The following ZDHHC7 variants were observed in gnomAD, a reference collection of about 807,000 sequenced individuals.
ZDHHC7 encodes the protein palmitoyltransferase ZDHHC7.
Under a neutral mutation model 34.1 loss-of-function variants are expected in ZDHHC7, and 12 were observed. That is an observed-to-expected ratio of 0.35 (90% confidence interval 0.23 to 0.57). The LOEUF is 0.57. Among genes scored for constraint, ZDHHC7 ranks in the 20% least tolerant of loss-of-function variants. The pLI, the probability that ZDHHC7 is intolerant of heterozygous loss-of-function variation, is 0.84. For synonymous variants in ZDHHC7, 185 were observed against 155.4 expected (o/e 1.19, Z -1.42); for missense variants, 388 against 402.7 (o/e 0.96, Z 0.31).
intron 1 of ZDHHC7, among the ~76,000 whole-genome samples, chr16:85,007,617 A>T (rs1421165183): frequency 1.1e-4 from 17 of 151,964 alleles, no homozygotes; most frequent in Admixed American, 9.2e-4. Flanking sequence ...AAGCGTTAAC[A>T]TCAGGAAGGA....
At chr16:85,017,214 C>A in the ZDHHC7 span, among the ~76,000 whole-genome samples, 1 of 152,148 alleles carries the variant, frequency 6.6e-6, no homozygotes, top group African/African-American at 2.4e-5. Flanking sequence ...GAATAATTGG[C>A]AAAACACTGA....
At chr16:85,001,742 T>C (rs1214427306) in intron 1 of ZDHHC7, among the ~76,000 whole-genome samples, 7 of 152,078 alleles carry the variant, frequency 4.6e-5, no homozygotes, top group South Asian at 2.1e-4. Flanking sequence ...TCTTGGTTTG[T>C]TGTTGTTGTT....
chr16:85,018,005 G>A, the ZDHHC7 span, among the ~76,000 whole-genome samples: 1 of 152,074 alleles, frequency 6.6e-6, no homozygotes, highest in African/African-American at 2.4e-5. Context: ...TGGAACTGTC[G>A]AGACACGGGT....
chr16:84,977,383 A>G, intron 6 of ZDHHC7, 158 bp from the exon 7 acceptor site: 1 of 908,858 alleles, frequency 1.1e-6, no homozygotes, highest in Non-Finnish European at 1.6e-6. Flanking sequence ...TCCAAGGAGC[A>G]GAGGAGGGCC....
chr16:84,977,391 G>A (rs2072312228), intron 6 of ZDHHC7, 166 bp from the exon 7 acceptor site: 4 of 827,956 alleles, frequency 4.8e-6, no homozygotes, highest in Non-Finnish European at 7.3e-6. Context: ...GCAGAGGAGG[G>A]CCACCCTTCC....
At chr16:85,024,260 C>T in the ZDHHC7 span, among the ~76,000 whole-genome samples, 25 of 127,896 alleles carry the variant, frequency 2.0e-4, no homozygotes, top group African/African-American at 6.8e-4. Flanking sequence ...GAGACAGAGT[C>T]TTGCTCTGTT....
Position 84,976,352 on chromosome 16 carries a change from G to C in ZDHHC7, c.918C>G (p.Phe306Leu). Residue 306 changes from phenylalanine (F) to leucine (L), a missense_variant, in exon 8 of 8, where the codon TTC (phenylalanine) becomes TTG (leucine). Phe to Leu is a conservative substitution (Grantham distance 22). Transcript: ENST00000313732. ...PTRPRKGGPE[F>L]SV is the part of the protein sequence containing the mutation. ...TCTGATGAGCCACGCCTCACACTGA[G>C]AACTCCGGGCCACCTTTTCTGGGTC... 6.2e-7 allele frequency: 1 copy of C among 1,614,046 alleles called. No homozygotes were observed. Among genetic ancestry groups the C allele is most frequent in the Non-Finnish European group, 8.5e-7 (1 of 1,180,018 alleles).
At chr16:85,010,932 CTCTT>C (rs1433769650) in intron 1 of ZDHHC7, among the ~76,000 whole-genome samples, 1 of 152,238 alleles carries the variant, frequency 6.6e-6, no homozygotes, top group Non-Finnish European at 1.5e-5. Context: ...TATTAAAAAA[CTCTT>C]TACAGCTTAC....
the ZDHHC7 span, among the ~76,000 whole-genome samples, chr16:85,019,310 G>T: frequency 0.032 from 4,807 of 151,586 alleles, 268 homozygotes; most frequent in African/African-American, 0.11. Flanking sequence ...AAGGCAGGGG[G>T]TTTTGTTGGT....
Position 84,977,907 on chromosome 16 carries a change from A to G in ZDHHC7, c.619+17T>C. On this transcript the variant is annotated intron_variant, in intron 6 of 7. Transcript: ENST00000313732. ...CAGCATGCAAAGCCAGGAATGACAC[A>G]TAGCCAGGGAACTTACCAGTCCACT... is the stretch of plus-strand genomic sequence containing the variant. The G allele has an allele frequency of 6.2e-7, 1 of 1,603,012 alleles. No individual in the cohort carries two copies. Among genetic ancestry groups the G allele is most frequent in the Non-Finnish European group, 8.5e-7 (1 of 1,171,480 alleles).
upstream of ZDHHC7, among the ~76,000 whole-genome samples, chr16:85,013,219 A>T (rs952369560): frequency 2.0e-5 from 3 of 152,092 alleles, no homozygotes; most frequent in African/African-American, 7.2e-5. Context: ...ATTTCTCTAC[A>T]AAAGTATTGT....
At chr16:85,015,100 G>GT (rs535398788), upstream of ZDHHC7, among the ~76,000 whole-genome samples, 2,496 of 141,068 alleles carry the variant, frequency 0.018, 51 homozygotes, top group South Asian at 0.092. Flanking sequence ...GAGTTTTGTT[G>GT]TTTTTTTTTT....
chr16:85,018,460 T>C, the ZDHHC7 span, among the ~76,000 whole-genome samples: 1 of 134,418 alleles, frequency 7.4e-6, no homozygotes, highest in African/African-American at 2.9e-5. Context: ...TCTTTTTTTT[T>C]TTTTAAGACA....
intron 1 of ZDHHC7, among the ~76,000 whole-genome samples, chr16:84,997,369 C>T (rs183233883): frequency 1.3e-5 from 2 of 149,262 alleles, no homozygotes; most frequent in Admixed American, 6.7e-5. Context: ...CCCGGGTTCA[C>T]GCCATTCTCC....
At chr16:84,989,036 T>A (rs1315980938) in intron 3 of ZDHHC7, among the ~76,000 whole-genome samples, 1 of 152,244 alleles carries the variant, frequency 6.6e-6, no homozygotes, top group Non-Finnish European at 1.5e-5. Context: ...GAGCAGGGTC[T>A]GGCTCCTAGA....
At chr16:84,999,434 T>C (rs1176263213) in intron 1 of ZDHHC7, among the ~76,000 whole-genome samples, 1 of 152,186 alleles carries the variant, frequency 6.6e-6, no homozygotes, top group Non-Finnish European at 1.5e-5. Flanking sequence ...ACAGCAGCTT[T>C]GTTCATAATA....
At chr16:85,018,738 C>G in the ZDHHC7 span, among the ~76,000 whole-genome samples, 2 of 152,130 alleles carry the variant, frequency 1.3e-5, no homozygotes, top group East Asian at 3.9e-4. Flanking sequence ...GCATGAGCCA[C>G]TGCGCCCAGC....
the ZDHHC7 span, among the ~76,000 whole-genome samples, chr16:85,016,621 A>ATT: frequency 5.1e-3 from 730 of 141,756 alleles, 6 homozygotes; most frequent in African/African-American, 0.018. Flanking sequence ...CACCTGGTTA[A>ATT]TTTTTTTTTT....
At position 84,977,410 on chromosome 16, in the gene ZDHHC7, A is replaced by C. The variant is rs181677947; in HGVS notation, c.620-185T>G. 134 of 663,428 alleles carry C rather than the reference A, an allele frequency of 2.0e-4. 1 individual carries two copies. The African/African-American group carries it at 2.3e-3, about 11-fold the overall frequency. The allele number at this position is 663,428 out of a possible 1,614,324, so 41.1% of individuals were successfully genotyped here. On this transcript the variant is annotated intron_variant, in intron 6 of 7. Coordinates refer to ENST00000313732, the MANE Select transcript of ZDHHC7 (RefSeq NM_017740.3). ...AGGAGGGCCACCCTTCCAAGCAAAA[A>C]TTCATACCATGACTTCCTGGCCAGT...
Sources: allele counts gnomAD v4.1 joint callset (sites outside exome capture counted in the v4.1 genomes callset), GRCh38; gene constraint gnomAD v4.1.1; transcripts MANE v1.5; gene names NCBI Gene and HGNC (gene_info 2026-07-23, HGNC 2026-07-21).